The following SH3RF3 variants were observed in gnomAD, a reference collection of about 807,000 sequenced individuals.
SH3RF3 encodes the protein SH3 domain containing ring finger 3.
A neutral mutation model predicts 66.3 loss-of-function variants in SH3RF3; 29 were observed. The observed-to-expected ratio is 0.44, with a 90% CI of 0.33 to 0.60. The LOEUF (loss-of-function observed/expected upper bound fraction) is 0.60, where lower values mean the gene tolerates loss of function less well. SH3RF3 is among the 20% of genes least tolerant of loss of function. SH3RF3 has a pLI of 0.04. For missense variants in SH3RF3, 1,194 were observed against 1,190.9 expected, an observed-to-expected ratio of 1.00 and a Z score of -0.04; for synonymous variants, 583 against 532.0, an observed-to-expected ratio of 1.10 and a Z score of -1.32.
intron 1 of SH3RF3, among the ~76,000 whole-genome samples, chr2:109,139,372 T>C (rs1449269415): frequency 6.6e-6 from 1 of 152,160 alleles, no homozygotes; most frequent in Non-Finnish European, 1.5e-5. Flanking sequence ...GCAGTCATTG[T>C]CTGGACCAAG....
Position 109,129,804 on chromosome 2 carries a change from G to C in SH3RF3, c.264G>C (p.Ser88=). The C allele has an allele frequency of 7.8e-6, 12 of 1,538,428 alleles. No individual in the cohort carries two copies. The highest frequency in any genetic ancestry group is 1.0e-5 in the Non-Finnish European group (12 of 1,145,408). ...GCTGCCTGGAGAGCATCGTGTGCTC[G>C]CGCCACGAGCTGCGCTGCCCCGAGT... ...CRRCLESIVC[S]RHELRCPECR... The change falls in exon 1 of 10, where the codon TCG becomes TCC. Residue 88 remains serine (S), a synonymous_variant. Transcript: ENST00000309415.
intron 1 of SH3RF3, among the ~76,000 whole-genome samples, chr2:109,216,441 G>A (rs1479972791): frequency 2.0e-5 from 3 of 152,228 alleles, no homozygotes; most frequent in African/African-American, 7.2e-5. Flanking sequence ...TGAGTCCAGG[G>A]GAGTTGGTCA....
chr2:109,288,769 A>G (rs1574552370), intron 1 of SH3RF3, among the ~76,000 whole-genome samples: 1 of 151,928 alleles, frequency 6.6e-6, no homozygotes, highest in Admixed American at 6.5e-5. Context: ...CATGGCTGGG[A>G]CAGCAGATGG....
intron 8 of SH3RF3, among the ~76,000 whole-genome samples, chr2:109,469,835 G>A (rs1186740230): frequency 6.6e-6 from 1 of 152,210 alleles, no homozygotes; most frequent in Admixed American, 6.5e-5. Context: ...TCCAGCCGTT[G>A]GTTATGTGTG....
chr2:109,242,160 C>T (rs1316778375), intron 1 of SH3RF3, among the ~76,000 whole-genome samples: 4 of 152,120 alleles, frequency 2.6e-5, no homozygotes, highest in Non-Finnish European at 5.9e-5. Context: ...ATCACTTCCC[C>T]TCTTGTCTGT....
At chr2:109,430,247 CTG>C (rs1361933028) in intron 5 of SH3RF3, among the ~76,000 whole-genome samples, 4 of 152,260 alleles carry the variant, frequency 2.6e-5, no homozygotes, top group Non-Finnish European at 5.9e-5. Context: ...CTGAAGCAAA[CTG>C]TTTTGACACC....
At position 109,449,161 on chromosome 2, in the gene SH3RF3, C is replaced by T. The variant is rs764640617; in HGVS notation, c.1829-9C>T. On this transcript the variant is annotated splice_polypyrimidine_tract_variant and intron_variant, in intron 7 of 9. Transcript: ENST00000309415. ...TTTCAACCTGCTGTCTCTCCAACCC[C>T]GTCTCCAGCTGCCCACTCTGCAGCC... The T allele has an allele frequency of 3.3e-5, 53 of 1,611,994 alleles. No homozygotes were observed. In the South Asian group the frequency reaches 3.8e-4, roughly 11 times the overall value.
chr2:109,260,978 T>A (rs936272352), intron 1 of SH3RF3, among the ~76,000 whole-genome samples: 1 of 152,202 alleles, frequency 6.6e-6, no homozygotes, highest in Non-Finnish European at 1.5e-5. Context: ...CTCAGCCCCA[T>A]GTGCCCTTCT....
intron 8 of SH3RF3, among the ~76,000 whole-genome samples, chr2:109,477,758 C>T (rs1678724825): frequency 6.6e-6 from 1 of 152,126 alleles, no homozygotes; most frequent in Non-Finnish European, 1.5e-5. Flanking sequence ...GGTTCATAGA[C>T]GGCGCCTTCT....
chr2:109,336,554 T>C (rs1682426353), intron 1 of SH3RF3, among the ~76,000 whole-genome samples: 1 of 152,202 alleles, frequency 6.6e-6, no homozygotes, highest in African/African-American at 2.4e-5. Flanking sequence ...GGAACCAGTT[T>C]CCAAGGGAGG....
intron 8 of SH3RF3, among the ~76,000 whole-genome samples, chr2:109,487,466 C>T (rs1679014267): frequency 6.6e-6 from 1 of 152,228 alleles, no homozygotes; most frequent in Middle Eastern, 3.2e-3. Flanking sequence ...GAATTCTGTC[C>T]TGGAAGGCGG....
chr2:109,419,484 T>A (rs893275153), intron 4 of SH3RF3, 55 bp from the exon 5 acceptor site: 1 of 1,523,548 alleles, frequency 6.6e-7, no homozygotes, highest in African/African-American at 1.4e-5. Flanking sequence ...CTTTTCTCTT[T>A]CCCTTGGATG....
intron 1 of SH3RF3, among the ~76,000 whole-genome samples, chr2:109,272,811 G>T (rs115001619): frequency 6.6e-6 from 1 of 152,170 alleles, no homozygotes; most frequent in East Asian, 1.9e-4. Flanking sequence ...TGCCGCACAC[G>T]CAGGACGTCA....
At chr2:109,204,229 G>C (rs2105081405) in intron 1 of SH3RF3, among the ~76,000 whole-genome samples, 1 of 152,202 alleles carries the variant, frequency 6.6e-6, no homozygotes, top group East Asian at 1.9e-4. Flanking sequence ...TGTCTGTCTT[G>C]GGTGAACCAT....
intron 1 of SH3RF3, among the ~76,000 whole-genome samples, chr2:109,180,905 A>C (rs570958941): frequency 1.6e-4 from 25 of 152,350 alleles, no homozygotes; most frequent in African/African-American, 5.8e-4. Flanking sequence ...GGACCACCCC[A>C]TGCAGAGAGC....
At chr2:109,131,615 G>A (rs1676698593) in intron 1 of SH3RF3, among the ~76,000 whole-genome samples, 1 of 152,156 alleles carries the variant, frequency 6.6e-6, no homozygotes, top group Non-Finnish European at 1.5e-5. Context: ...AGGTTAGGAG[G>A]TAACCTCTGA....
At chr2:109,189,445 T>C (rs1306472292) in intron 1 of SH3RF3, among the ~76,000 whole-genome samples, 2 of 151,534 alleles carry the variant, frequency 1.3e-5, no homozygotes, top group Non-Finnish European at 2.9e-5. Context: ...CTCGGCTCAC[T>C]GCAACCTCTG....
intron 3 of SH3RF3, among the ~76,000 whole-genome samples, chr2:109,397,925 A>AT (rs1676193429): frequency 1.3e-5 from 2 of 152,178 alleles, no homozygotes; most frequent in Admixed American, 6.5e-5. Context: ...ACAATGGGAG[A>AT]TGTGGGAAGG....
In SH3RF3 at chr2:109,169,771, C is replaced by T. The variant is rs1043622249; in HGVS notation, c.573+39658C>T. On this transcript the variant is annotated intron_variant, in intron 1 of 9. Coordinates refer to ENST00000309415, the MANE Select transcript of SH3RF3 (RefSeq NM_001099289.3). ...ACAACCATACACACACACACACACACATGACCCCCCAAAATCAAATAGGCT... is the reference window on the plus strand; with the variant it reads ...ACAACCATACACACACACACACACATATGACCCCCCAAAATCAAATAGGCT... 2.6e-4 allele frequency among the ~76,000 whole-genome samples: 39 copies of T among 147,994 alleles called. 1 individual carries two copies. The highest frequency in any genetic ancestry group is 1.9e-4 in the Non-Finnish European group (13 of 67,230).
Sources: gnomAD v4.1 joint callset for allele counts (sites outside exome capture counted in the v4.1 genomes callset) on GRCh38, gnomAD v4.1.1 for gene constraint, MANE v1.5 for transcripts, NCBI Gene and HGNC (gene_info 2026-07-23, HGNC 2026-07-21) for gene names.